The following GTPBP1 variants were observed in gnomAD, a reference collection of about 807,000 sequenced individuals.
GTPBP1 encodes GTP-binding protein 1.
Under a neutral mutation model 62.0 loss-of-function variants are expected in GTPBP1, and 23 were observed. The observed-to-expected ratio is 0.37, with a 90% CI of 0.27 to 0.53. The LOEUF (loss-of-function observed/expected upper bound fraction) is 0.53, where lower values mean the gene tolerates loss of function less well. GTPBP1 is among the 20% of genes least tolerant of loss of function. GTPBP1 has a pLI of 0.89. For missense variants in GTPBP1, 640 were observed against 917.3 expected (o/e 0.70, Z 3.90); for synonymous variants, 344 against 364.4 (o/e 0.94, Z 0.64).
intron 10 of GTPBP1, 63 bp from the exon 11 acceptor site, chr22:38,729,399 G>T (rs1225420895): frequency 1.6e-6 from 2 of 1,258,868 alleles, no homozygotes; most frequent in African/African-American, 1.5e-5. Flanking sequence ...AGGGTGGGGG[G>T]TAGCCAAGCC....
At chr22:38,718,667 T>A (rs781235315) in intron 4 of GTPBP1, among the ~76,000 whole-genome samples, 4 of 152,052 alleles carry the variant, frequency 2.6e-5, no homozygotes, top group Non-Finnish European at 5.9e-5. Flanking sequence ...TCAGTGGGCG[T>A]CTCCGTGACA....
rs1383044019 is a variant in GTPBP1 at position 38,730,999 on chromosome 22, GTCTC to G, written c.*301_*304del. The G allele has an allele frequency of 3.7e-5, 13 of 350,930 alleles. No homozygotes were observed. The highest frequency in any genetic ancestry group is 1.6e-4 in the South Asian group (5 of 30,852). The allele number at this position is 350,930 out of a possible 1,614,324, so 21.7% of individuals were successfully genotyped here. ...TTTATTCTGTTTATTATATGTCTCT[GTCTC>G]TCTCTATTGTGTGTGTGTGTGTGTG... On this transcript the variant is annotated 3_prime_UTR_variant, in exon 12 of 12. Transcript: ENST00000216044. This position sits in a 1 kb window ranked among gnomAD's most constrained non-coding sequence, Gnocchi z 5.6.
Position 38,720,605 on chromosome 22 carries a change from G to T in GTPBP1, c.835-1137G>T, listed in dbSNP as rs555815153. On this transcript the variant is annotated intron_variant, in intron 4 of 11. Transcript: ENST00000216044. Reference sequence around the variant, plus strand: ...TTTCCCCTTAAAAGCATATTTTGGAGATTAGTCCATATCAGTAGATAAAAA... The same window carrying T: ...TTTCCCCTTAAAAGCATATTTTGGATATTAGTCCATATCAGTAGATAAAAA... 7.9e-5 allele frequency among the ~76,000 whole-genome samples: 12 copies of T among 152,124 alleles called. 1 individual carries two copies. The highest frequency in any genetic ancestry group is 2.9e-4 in the African/African-American group (12 of 41,500).
intron 10 of GTPBP1, chr22:38,728,914 C>G (rs555632930): frequency 6.5e-6 from 1 of 152,804 alleles, no homozygotes; most frequent in African/African-American, 2.4e-5. Flanking sequence ...TTACTTCTGG[C>G]CAAACTCCAG....
chr22:38,730,733 A>G lies in GTPBP1; in HGVS notation c.*29A>G. The G allele has an allele frequency of 1.6e-6, 2 of 1,279,024 alleles. No homozygotes were observed. Among genetic ancestry groups the G allele is most frequent in the Non-Finnish European group, 2.2e-6 (2 of 910,746 alleles). The allele number at this position is 1,279,024 out of a possible 1,614,324, so 79.2% of individuals were successfully genotyped here. The stretch of plus-strand genomic sequence containing the variant: ...TTCCCCTGGCCCACCCTCACCACCC[A>G]AGGGGTCATCATCTCTGGCCACCAC... On this transcript the variant is annotated 3_prime_UTR_variant, in exon 12 of 12. Coordinates refer to ENST00000216044, the MANE Select transcript of GTPBP1 (RefSeq NM_004286.5). The surrounding 1 kb of genome is among the most constrained non-coding windows in gnomAD (Gnocchi z 5.6).
At chr22:38,720,968 C>T (rs1240466695) in intron 4 of GTPBP1, among the ~76,000 whole-genome samples, 17 of 152,176 alleles carry the variant, frequency 1.1e-4, no homozygotes, top group Admixed American at 2.6e-4. Flanking sequence ...TGCAGTAGCT[C>T]GATCATGGCT....
chr22:38,712,069 C>T (rs745455822), intron 2 of GTPBP1, among the ~76,000 whole-genome samples: 8 of 151,882 alleles, frequency 5.3e-5, no homozygotes, highest in African/African-American at 9.7e-5. Context: ...TTATTAGAGA[C>T]GGGGTTTCAC....
chr22:38,705,952 A>G lies in GTPBP1; in HGVS notation c.-4A>G. On this transcript the variant is annotated 5_prime_UTR_variant, in exon 1 of 12. Transcript: ENST00000216044. ...CGGCTACGAATTAGCCTAAGTTATT[A>G]AAGATGGCGACGGAGCGCAGTCGCT... 1.4e-6 allele frequency: 2 copies of G among 1,433,914 alleles called. No homozygotes were observed. The highest frequency in any genetic ancestry group is 1.3e-5 in the South Asian group (1 of 74,678). The allele number at this position is 1,433,914 out of a possible 1,614,324, so 88.8% of individuals were successfully genotyped here. A position where few individuals can be genotyped will look rare whatever the true frequency, so the allele number is the denominator to read the frequency against.
chr22:38,739,762 A>G, downstream of GTPBP1: 1 of 1,613,656 alleles, frequency 6.2e-7, no homozygotes, highest in Non-Finnish European at 8.5e-7. This position sits in a 1 kb window ranked among gnomAD's most constrained non-coding sequence, Gnocchi z 6.7. Context: ...CTGCAGCGTC[A>G]GGCTCAGGGA....
intron 2 of GTPBP1, among the ~76,000 whole-genome samples, chr22:38,713,413 A>G (rs1224353403): frequency 6.6e-6 from 1 of 152,158 alleles, no homozygotes; most frequent in Non-Finnish European, 1.5e-5. Flanking sequence ...CTGAATTTGT[A>G]AAGACAAAAG....
chr22:38,721,629 C>A (rs113691326), intron 4 of GTPBP1, 113 bp from the exon 5 acceptor site: 6 of 893,764 alleles, frequency 6.7e-6, no homozygotes, highest in East Asian at 5.1e-5. Flanking sequence ...CAGGGGTTAA[C>A]GTGATTTTTG....
intron 4 of GTPBP1, 27 bp downstream of exon 4, chr22:38,717,027 G>A: frequency 7.0e-7 from 1 of 1,434,802 alleles, no homozygotes; most frequent in Non-Finnish European, 9.8e-7. Context: ...CCAAGGAGGG[G>A]AGGCGTCAGC....
At position 38,730,349 on chromosome 22, in the gene GTPBP1, C is replaced by T. The variant is rs1262869008; in HGVS notation, c.1918-263C>T. Reference sequence around the variant, plus strand: ...CTCTCCTGCTCTGCTTTGTGCTTCTCTGAACGGCCGCTTCTCACACCCTCA... The same window carrying T: ...CTCTCCTGCTCTGCTTTGTGCTTCTTTGAACGGCCGCTTCTCACACCCTCA... On this transcript the variant is annotated intron_variant, in intron 11 of 11. Coordinates refer to ENST00000216044, the MANE Select transcript of GTPBP1 (RefSeq NM_004286.5). This position sits in a 1 kb window ranked among gnomAD's most constrained non-coding sequence, Gnocchi z 5.6. Among the ~76,000 whole-genome samples the T allele has an allele frequency of 2.6e-5, 4 of 152,232 alleles. No individual in the cohort carries two copies. The highest frequency in any genetic ancestry group is 5.9e-5 in the Non-Finnish European group (4 of 68,040).
chr22:38,739,666 G>C, downstream of GTPBP1: 1 of 1,579,270 alleles, frequency 6.3e-7, no homozygotes, highest in Middle Eastern at 1.7e-4. This position sits in a 1 kb window ranked among gnomAD's most constrained non-coding sequence, Gnocchi z 6.7. Flanking sequence ...ACTGTCCAGG[G>C]CTCCCAGGGA....
downstream of GTPBP1, chr22:38,741,581 G>C (rs751557207): frequency 9.3e-6 from 15 of 1,613,354 alleles, no homozygotes; most frequent in South Asian, 1.5e-4. Context: ...CCTGTGAGAC[G>C]GGAGTGAGAG....
chr22:38,725,067 C>T (rs2092720230), intron 6 of GTPBP1: 1 of 152,526 alleles, frequency 6.6e-6, no homozygotes, highest in Non-Finnish European at 1.5e-5. Context: ...AGAGCTTGGT[C>T]TATAGCGCCA....
intron 2 of GTPBP1, among the ~76,000 whole-genome samples, chr22:38,711,795 A>G (rs948531889): frequency 6.6e-6 from 1 of 152,134 alleles, no homozygotes; most frequent in African/African-American, 2.4e-5. Flanking sequence ...GTGAGCTGAG[A>G]TGGCGAGAGT....
At chr22:38,734,768 A>C (rs1382380490), downstream of GTPBP1, 1 of 176,566 alleles carries the variant, frequency 5.7e-6, no homozygotes, top group African/African-American at 2.4e-5. Flanking sequence ...ATAGGCATAA[A>C]TTAGGATCTG....
chr22:38,708,503 T>A (rs2092619289), intron 1 of GTPBP1, among the ~76,000 whole-genome samples: 1 of 152,230 alleles, frequency 6.6e-6, no homozygotes, highest in Non-Finnish European at 1.5e-5. Context: ...GACTTTGGCA[T>A]GTAGATGGAA....
Sources: allele counts gnomAD v4.1 joint callset (sites outside exome capture counted in the v4.1 genomes callset), GRCh38; gene constraint gnomAD v4.1.1; non-coding constraint Gnocchi (gnomAD v3.1); transcripts MANE v1.5; gene names NCBI Gene and HGNC (gene_info 2026-07-23, HGNC 2026-07-21).